Variants in NALF1 observed in about 807,000 individuals in gnomAD.
The protein encoded by NALF1 is NALCN channel auxiliary factor 1, also known as family with sequence similarity 155 member A.
A neutral mutation model predicts 48.4 loss-of-function variants in NALF1; 3 were observed. The observed-to-expected ratio is 0.06, with a 90% CI of 0.03 to 0.16. NALF1 has a LOEUF of 0.16. Ranked by LOEUF, NALF1 falls within the 10% of genes least tolerant of loss-of-function variation. The pLI is 1.00. For missense variants in NALF1, 526 were observed against 571.5 expected, an observed-to-expected ratio of 0.92 and a Z score of 0.81; for synonymous variants, 262 against 245.7, an observed-to-expected ratio of 1.07 and a Z score of -0.62.
intron 1 of NALF1, among the ~76,000 whole-genome samples, chr13:107,808,524 C>T (rs892335903): frequency 3.3e-5 from 5 of 152,064 alleles, no homozygotes; most frequent in Non-Finnish European, 7.4e-5. Flanking sequence ...TCTTGCTATG[C>T]ACATCAACTA....
intron 1 of NALF1, among the ~76,000 whole-genome samples, chr13:107,273,326 G>T (rs1164679704): frequency 2.6e-5 from 4 of 152,164 alleles, no homozygotes; most frequent in Non-Finnish European, 5.9e-5. Context: ...AGGTTTACCT[G>T]TTCTTTTGGG....
chr13:107,710,887 A>G (rs1361011401), intron 1 of NALF1, among the ~76,000 whole-genome samples: 1 of 151,132 alleles, frequency 6.6e-6, no homozygotes, highest in Admixed American at 6.6e-5. Flanking sequence ...ACATATATAC[A>G]CACAGACACA....
chr13:107,812,531 T>G (rs1323991543), intron 1 of NALF1, among the ~76,000 whole-genome samples: 4 of 152,106 alleles, frequency 2.6e-5, no homozygotes, highest in Non-Finnish European at 5.9e-5. Flanking sequence ...AGCTACAAAG[T>G]TTGTATCATA....
At chr13:107,692,147 T>C (rs900631619) in intron 1 of NALF1, among the ~76,000 whole-genome samples, 1 of 152,184 alleles carries the variant, frequency 6.6e-6, no homozygotes, top group Admixed American at 6.5e-5. Context: ...TATGGAACAT[T>C]CTTATTACTT....
chr13:107,224,696 A>G (rs888969944), intron 1 of NALF1, among the ~76,000 whole-genome samples: 1 of 152,138 alleles, frequency 6.6e-6, no homozygotes. Flanking sequence ...ATCAAGGCTC[A>G]AAGATAATTT....
chr13:107,284,307 A>G (rs1031679074), intron 1 of NALF1, among the ~76,000 whole-genome samples: 1 of 137,722 alleles, frequency 7.3e-6, no homozygotes, highest in African/African-American at 2.4e-5. Context: ...TCAATGAAAA[A>G]ACATCACAAA....
chr13:107,845,899 G>T (rs1880159220), intron 1 of NALF1, among the ~76,000 whole-genome samples: 1 of 152,054 alleles, frequency 6.6e-6, no homozygotes, highest in South Asian at 2.1e-4. Context: ...TTGAAACCTG[G>T]AAGATAATGG....
chr13:107,335,416 T>C (rs1457959908), intron 1 of NALF1, among the ~76,000 whole-genome samples: 1 of 152,230 alleles, frequency 6.6e-6, no homozygotes. Context: ...ATAACTAATC[T>C]TCACCAGTCT....
chr13:107,305,916 CT>C (rs1160979999), intron 1 of NALF1, among the ~76,000 whole-genome samples: 2 of 152,134 alleles, frequency 1.3e-5, no homozygotes, highest in Non-Finnish European at 2.9e-5. Context: ...TTTGTCAAAA[CT>C]GCACTGCTAA....
At chr13:107,668,944 TAAA>T (rs993694925) in intron 1 of NALF1, among the ~76,000 whole-genome samples, 6 of 151,756 alleles carry the variant, frequency 4.0e-5, no homozygotes, top group Non-Finnish European at 7.4e-5. Flanking sequence ...CAACACATCT[TAAA>T]AAAAAGATAC....
rs537877417 is a variant in NALF1, at chr13:107,230,082, A to G, written c.916-19327T>C. ...CCAGGTGACTATGGGAAAGGCACCC[A>G]GAGATGCCTCATGCAGATTCGGCCT... On this transcript the variant is annotated intron_variant, in intron 1 of 2. Transcript: ENST00000375915. Among the ~76,000 whole-genome samples, 15 of 152,352 alleles carry G rather than the reference A, an allele frequency of 9.8e-5. 1 individual carries two copies. The South Asian group carries it at 2.3e-3, about 23-fold the overall frequency.
At chr13:107,853,151 T>A (rs1364533769) in intron 1 of NALF1, among the ~76,000 whole-genome samples, 1 of 152,230 alleles carries the variant, frequency 6.6e-6, no homozygotes, top group African/African-American at 2.4e-5. Context: ...TCAGCTATAT[T>A]GTTTTAATAT....
At chr13:107,181,260 G>T (rs1296000306) in intron 2 of NALF1, among the ~76,000 whole-genome samples, 1 of 151,090 alleles carries the variant, frequency 6.6e-6, no homozygotes, top group Non-Finnish European at 1.5e-5. Flanking sequence ...TATTCTCTTT[G>T]TAACAATATT....
intron 1 of NALF1, among the ~76,000 whole-genome samples, chr13:107,404,883 T>A (rs1883873325): frequency 6.6e-6 from 1 of 152,098 alleles, no homozygotes; most frequent in African/African-American, 2.4e-5. Context: ...GACCTCAGTG[T>A]CCACTGCGTG....
chr13:107,431,985 C>T lies in NALF1; in HGVS notation c.916-221230G>A, dbSNP rs148448127. ...ATATATTTTCTGTCTGTGTTAGACA[C>T]TTTTTGCATTGTTATAAAGGAGTAC... On this transcript the variant is annotated intron_variant, in intron 1 of 2. Coordinates refer to ENST00000375915, the MANE Select transcript of NALF1 (RefSeq NM_001080396.3). 4.3e-3 allele frequency among the ~76,000 whole-genome samples: 650 copies of T among 152,250 alleles called. 7 individuals carry two copies. Among genetic ancestry groups the T allele is most frequent in the African/African-American group, 0.015 (630 of 41,534 alleles).
At chr13:107,307,461 G>T (rs997428869) in intron 1 of NALF1, among the ~76,000 whole-genome samples, 3 of 151,948 alleles carry the variant, frequency 2.0e-5, no homozygotes, top group Non-Finnish European at 4.4e-5. Context: ...TCATTTGGAT[G>T]ATCTCTCTTT....
intron 1 of NALF1, among the ~76,000 whole-genome samples, chr13:107,467,912 G>A (rs191039784): frequency 2.0e-5 from 3 of 152,158 alleles, no homozygotes; most frequent in African/African-American, 2.4e-5. Context: ...GCCGGGCGTG[G>A]TGGCGGGCGC....
At chr13:107,410,948 A>G (rs1056207154) in intron 1 of NALF1, among the ~76,000 whole-genome samples, 8 of 152,198 alleles carry the variant, frequency 5.3e-5, no homozygotes, top group Non-Finnish European at 1.2e-4. Context: ...CAGATTTTCA[A>G]TAATAGTAAG....
At chr13:107,703,827 A>G (rs1881883774) in intron 1 of NALF1, among the ~76,000 whole-genome samples, 1 of 152,100 alleles carries the variant, frequency 6.6e-6, no homozygotes, top group Admixed American at 6.6e-5. Context: ...TGTTCCCTAC[A>G]TTTCTTGCAT....
Sources: gnomAD v4.1 joint callset for allele counts (sites outside exome capture counted in the v4.1 genomes callset) on GRCh38, gnomAD v4.1.1 for gene constraint, MANE v1.5 for transcripts, NCBI Gene and HGNC (gene_info 2026-07-23, HGNC 2026-07-21) for gene names.